DDX10: variants seen among roughly 807,000 people sequenced by gnomAD.
The protein encoded by DDX10 is probable ATP-dependent RNA helicase DDX10.
DDX10 carries 74 observed loss-of-function variants against 104.3 expected under a neutral mutation model. The observed-to-expected ratio is 0.71, with a 90% CI of 0.59 to 0.86. The LOEUF is 0.86. DDX10 is among the 40% of genes least tolerant of loss of function. The pLI is 0.00. For missense variants in DDX10, 952 were observed against 1,040.0 expected, an observed-to-expected ratio of 0.92 and a Z score of 1.16; for synonymous variants, 351 against 353.4, an observed-to-expected ratio of 0.99 and a Z score of 0.08.
intron 15 of DDX10, among the ~76,000 whole-genome samples, chr11:108,843,851 T>C (rs1862676236): frequency 6.6e-6 from 1 of 152,240 alleles, no homozygotes; most frequent in Admixed American, 6.5e-5. Context: ...ACTTTTAATT[T>C]TAAACATGTC....
intron 16 of DDX10, among the ~76,000 whole-genome samples, chr11:108,909,257 G>A (rs1419900015): frequency 2.0e-5 from 3 of 152,216 alleles, no homozygotes; most frequent in Non-Finnish European, 4.4e-5. Flanking sequence ...AGTTCAGAGA[G>A]CTTCTGCATG....
At chr11:108,680,989 A>T (rs952834527) in intron 6 of DDX10, among the ~76,000 whole-genome samples, 21 of 152,184 alleles carry the variant, frequency 1.4e-4, no homozygotes, top group Non-Finnish European at 2.9e-4. Flanking sequence ...TTGATCTCTT[A>T]AAGAGTTGAG....
chr11:108,882,121 A>G (rs1863234833), intron 16 of DDX10, among the ~76,000 whole-genome samples: 1 of 152,138 alleles, frequency 6.6e-6, no homozygotes, highest in African/African-American at 2.4e-5. Context: ...AACTGTGGGG[A>G]AAAAAGAAAA....
At chr11:108,752,235 G>A (rs2094339620) in intron 13 of DDX10, among the ~76,000 whole-genome samples, 2 of 152,090 alleles carry the variant, frequency 1.3e-5, no homozygotes, top group African/African-American at 4.8e-5. Flanking sequence ...ATTTGTGAGG[G>A]GTCCTCCAAG....
intron 13 of DDX10, among the ~76,000 whole-genome samples, chr11:108,747,836 C>T (rs527927869): frequency 3.3e-5 from 5 of 152,090 alleles, no homozygotes; most frequent in East Asian, 3.9e-4. Flanking sequence ...CTAAAGTTAC[C>T]GATTCATGAA....
At chr11:108,922,206 T>G (rs1204876966) in intron 17 of DDX10, 3 of 47,242 alleles carry the variant, frequency 6.4e-5, no homozygotes, top group Non-Finnish European at 1.5e-4. Context: ...ATTGTGCCAC[T>G]GCACTCCAGC....
intron 13 of DDX10, among the ~76,000 whole-genome samples, chr11:108,829,086 C>A (rs1444052773): frequency 6.6e-6 from 1 of 150,946 alleles, no homozygotes; most frequent in Non-Finnish European, 1.5e-5. Context: ...ATAATGACTT[C>A]TTTTCCTCTG....
chr11:108,931,980 G>A (rs954423036), intron 17 of DDX10, among the ~76,000 whole-genome samples: 1 of 151,932 alleles, frequency 6.6e-6, no homozygotes, highest in African/African-American at 2.4e-5. Context: ...TCAGGGGTCT[G>A]GTTTTTGGTT....
At chr11:108,918,201 C>G in intron 17 of DDX10, 183 bp downstream of exon 17, 1 of 637,198 alleles carries the variant, frequency 1.6e-6, no homozygotes, top group Non-Finnish European at 2.7e-6. Context: ...GCAGATTGTT[C>G]TGGTCATGTT....
chr11:108,713,495 G>C (rs551677437), intron 10 of DDX10, among the ~76,000 whole-genome samples: 2 of 151,864 alleles, frequency 1.3e-5, no homozygotes, highest in Non-Finnish European at 2.9e-5. Context: ...TTGTTCTCTC[G>C]CATTTCTTTT....
intron 16 of DDX10, among the ~76,000 whole-genome samples, chr11:108,916,889 A>T (rs1156754945): frequency 6.6e-6 from 1 of 151,952 alleles, no homozygotes; most frequent in Non-Finnish European, 1.5e-5. Context: ...CCACTTACCT[A>T]CCTGCTTGCA....
At chr11:108,838,604 G>C (rs1463242829) in intron 14 of DDX10, 39 bp downstream of exon 14, 1 of 1,583,318 alleles carries the variant, frequency 6.3e-7, no homozygotes. Context: ...AGGTGCATTT[G>C]GAGTATTAGA....
At chr11:108,880,605 G>A (rs1863214827) in intron 16 of DDX10, among the ~76,000 whole-genome samples, 1 of 152,100 alleles carries the variant, frequency 6.6e-6, no homozygotes, top group Non-Finnish European at 1.5e-5. Context: ...GCTGGGTATT[G>A]AAAAAAATTG....
At chr11:108,703,968 T>C (rs997369215) in intron 9 of DDX10, among the ~76,000 whole-genome samples, 17 of 152,190 alleles carry the variant, frequency 1.1e-4, no homozygotes, top group African/African-American at 3.4e-4. Context: ...CCATTTTCCA[T>C]TGGGAGTCTT....
intron 16 of DDX10, among the ~76,000 whole-genome samples, chr11:108,858,066 A>AT (rs1862894180): frequency 6.6e-6 from 1 of 152,206 alleles, no homozygotes; most frequent in African/African-American, 2.4e-5. Flanking sequence ...ATTAGGAAAC[A>AT]TTTACCATTA....
chr11:108,787,231 C>G (rs1861806574), intron 13 of DDX10, among the ~76,000 whole-genome samples: 1 of 152,166 alleles, frequency 6.6e-6, no homozygotes, highest in Non-Finnish European at 1.5e-5. Context: ...TGATGGCGTT[C>G]CCTCTGCAGG....
chr11:108,727,849 A>T (rs913070616), intron 13 of DDX10: 3 of 205,498 alleles, frequency 1.5e-5, no homozygotes, highest in South Asian at 1.5e-4. Flanking sequence ...TAGAAAGGAC[A>T]CATAGAAAAT....
chr11:108,762,535 C>T (rs959592628), intron 13 of DDX10, among the ~76,000 whole-genome samples: 5 of 152,100 alleles, frequency 3.3e-5, no homozygotes, highest in African/African-American at 1.2e-4. Context: ...TTCCTGAAAG[C>T]AGAACATAAG....
chr11:108,708,594 G>A (rs1481678709), intron 10 of DDX10, among the ~76,000 whole-genome samples: 1 of 146,282 alleles, frequency 6.8e-6, no homozygotes, highest in East Asian at 2.0e-4. Context: ...TTGAGACAGA[G>A]TCTTGCTCTG....
Sources: allele counts gnomAD v4.1 joint callset (sites outside exome capture counted in the v4.1 genomes callset), GRCh38; gene constraint gnomAD v4.1.1; transcripts MANE v1.5; gene names NCBI Gene and HGNC (gene_info 2026-07-23, HGNC 2026-07-21).